PCDH7: variants seen among roughly 807,000 people sequenced by gnomAD.
PCDH7 encodes the protein protocadherin-7.
Under a neutral mutation model 58.9 loss-of-function variants are expected in PCDH7, and 17 were observed. The observed-to-expected ratio is 0.29, with a 90% CI of 0.20 to 0.43. The LOEUF is 0.43. Among genes scored for constraint, PCDH7 ranks in the 20% least tolerant of loss-of-function variants. PCDH7 has a pLI of 1.00. For synonymous variants in PCDH7, 664 were observed against 616.4 expected (o/e 1.08, Z -1.14); for missense variants, 1,274 against 1,441.0 (o/e 0.88, Z 1.88).
chr4:31,005,848 C>T (rs1752728471), intron 3 of PCDH7, among the ~76,000 whole-genome samples: 1 of 152,074 alleles, frequency 6.6e-6, no homozygotes, highest in Non-Finnish European at 1.5e-5. Flanking sequence ...CTTCTATCAC[C>T]GGAGAAAGCT....
intron 1 of PCDH7, among the ~76,000 whole-genome samples, chr4:30,875,026 A>G (rs191665955): frequency 1.3e-5 from 2 of 152,108 alleles, no homozygotes; most frequent in Admixed American, 6.6e-5. Context: ...ACATCATCGT[A>G]TTTTCAAGTT....
intron 3 of PCDH7, among the ~76,000 whole-genome samples, chr4:31,016,224 T>A (rs144400531): frequency 6.6e-6 from 1 of 152,294 alleles, no homozygotes; most frequent in East Asian, 1.9e-4. Flanking sequence ...ATGAGGACCA[T>A]ATGGATCTTT....
chr4:31,122,936 C>A (rs1346364394), intron 3 of PCDH7, among the ~76,000 whole-genome samples: 1 of 151,822 alleles, frequency 6.6e-6, no homozygotes, highest in South Asian at 2.1e-4. Context: ...CTTTGAATAG[C>A]TAGTAATTAT....
intron 1 of PCDH7, among the ~76,000 whole-genome samples, chr4:30,753,558 G>A (rs532101902): frequency 6.6e-6 from 1 of 152,286 alleles, no homozygotes; most frequent in East Asian, 1.9e-4. Flanking sequence ...GCATTTCAGG[G>A]GCTATACACC....
chr4:30,800,019 ATT>A (rs57456489), intron 1 of PCDH7, among the ~76,000 whole-genome samples: 1 of 143,194 alleles, frequency 7.0e-6, no homozygotes, highest in African/African-American at 2.5e-5. Flanking sequence ...ACACCCGGCT[ATT>A]TTTTTTTTTT....
chr4:31,087,034 C>G (rs1476319260), intron 3 of PCDH7, among the ~76,000 whole-genome samples: 1 of 152,118 alleles, frequency 6.6e-6, no homozygotes, highest in Non-Finnish European at 1.5e-5. Flanking sequence ...AATAGAGTTG[C>G]AGAAAGGTGA....
At chr4:31,140,651 G>T (rs1720142745) in intron 3 of PCDH7, among the ~76,000 whole-genome samples, 2 of 147,696 alleles carry the variant, frequency 1.4e-5, no homozygotes, top group African/African-American at 2.5e-5. Flanking sequence ...CCCAAAATAG[G>T]AAATATTCTC....
At position 30,936,077 on chromosome 4, in the gene PCDH7, T is replaced by C. The variant is rs1745305771; in HGVS notation, c.288-14043T>C. Among the ~76,000 whole-genome samples the C allele has an allele frequency of 2.0e-5, 3 of 151,988 alleles. No homozygotes were observed. The South Asian group carries it at 6.2e-4, about 31-fold the overall frequency. On this transcript the variant is annotated intron_variant, in intron 2 of 3. Transcript: ENST00000509759. Reference sequence around the variant, plus strand: ...AAGTGGATAACCTATCCATCAAAAATATTTACTAGAATGATAAAATAGTAT... The same window carrying C: ...AAGTGGATAACCTATCCATCAAAAACATTTACTAGAATGATAAAATAGTAT...
chr4:30,972,933 A>G lies in PCDH7; in HGVS notation c.*7+22718A>G, dbSNP rs562662693. ...GGTTCTTTCTAGTTTAAACAGTTCC[A>G]TTCTTATGACTGTTTCTTGAACACT... On this transcript the variant is annotated intron_variant, in intron 3 of 3. Coordinates refer to the PCDH7 transcript ENST00000509759. Among the ~76,000 whole-genome samples the G allele has an allele frequency of 6.6e-5, 10 of 152,306 alleles. No individual in the cohort carries two copies. The East Asian group carries it at 1.9e-3, about 29-fold the overall frequency.
At chr4:31,011,981 G>C (rs1365188402) in intron 3 of PCDH7, among the ~76,000 whole-genome samples, 1 of 151,924 alleles carries the variant, frequency 6.6e-6, no homozygotes, top group Non-Finnish European at 1.5e-5. Flanking sequence ...ATAAGCATTT[G>C]CTAAAAAATT....
chr4:31,046,060 A>G (rs918728416), intron 3 of PCDH7, among the ~76,000 whole-genome samples: 4 of 151,972 alleles, frequency 2.6e-5, no homozygotes, highest in African/African-American at 7.2e-5. Flanking sequence ...CAACCCTGCT[A>G]TCTACAGCAG....
rs184588305 is a variant in PCDH7 at position 31,035,934 on chromosome 4, T to C, written c.*7+85719T>C. ...TTTCCTTGGCTGACATCACTAAATG[T>C]TCATAAGACCTGTAAGTGGACTTTC... On this transcript the variant is annotated intron_variant, in intron 3 of 3. Transcript: ENST00000509759. 2.0e-5 allele frequency among the ~76,000 whole-genome samples: 3 copies of C among 152,308 alleles called. No homozygotes were observed. The East Asian group carries it at 5.8e-4, about 29-fold the overall frequency.
intron 3 of PCDH7, among the ~76,000 whole-genome samples, chr4:31,074,196 A>G (rs767298761): frequency 6.6e-6 from 1 of 151,544 alleles, no homozygotes; most frequent in Non-Finnish European, 1.5e-5. Context: ...CATCCCATTT[A>G]TCTTCTTACT....
intron 1 of PCDH7, among the ~76,000 whole-genome samples, chr4:30,880,286 A>G (rs1431609135): frequency 1.7e-5 from 2 of 116,240 alleles, no homozygotes; most frequent in East Asian, 8.0e-4. Flanking sequence ...GCTACAAAAG[A>G]AAAAAAAAAA....
chr4:30,765,062 T>C (rs1399072764), intron 1 of PCDH7, among the ~76,000 whole-genome samples: 1 of 149,566 alleles, frequency 6.7e-6, no homozygotes, highest in South Asian at 2.1e-4. Flanking sequence ...TATGATCTGC[T>C]TGGGAAATGT....
intron 1 of PCDH7, among the ~76,000 whole-genome samples, chr4:30,869,437 C>T (rs1346961145): frequency 6.6e-6 from 1 of 152,058 alleles, no homozygotes; most frequent in Non-Finnish European, 1.5e-5. Context: ...CTTCCCTAAA[C>T]CCCACCCACT....
chr4:31,011,546 A>G (rs1753187090), intron 3 of PCDH7, among the ~76,000 whole-genome samples: 1 of 152,022 alleles, frequency 6.6e-6, no homozygotes, highest in African/African-American at 2.4e-5. Flanking sequence ...CAGATAAGAC[A>G]TGTTCTAATG....
intron 3 of PCDH7, among the ~76,000 whole-genome samples, chr4:31,128,107 A>G (rs200470326): frequency 1.4e-5 from 2 of 141,082 alleles, no homozygotes; most frequent in African/African-American, 2.8e-5. Context: ...ATATATGTGT[A>G]TATATATACA....
At chr4:30,867,962 G>A (rs926914322) in intron 1 of PCDH7, among the ~76,000 whole-genome samples, 15 of 151,932 alleles carry the variant, frequency 9.9e-5, no homozygotes, top group African/African-American at 3.6e-4. Flanking sequence ...TTCTATAAGA[G>A]GATGTCATAA....
Sources: allele counts gnomAD v4.1 joint callset (sites outside exome capture counted in the v4.1 genomes callset), GRCh38; gene constraint gnomAD v4.1.1; transcripts MANE v1.5; gene names NCBI Gene and HGNC (gene_info 2026-07-23, HGNC 2026-07-21).